The following RINL variants were observed in gnomAD, a reference collection of about 807,000 sequenced individuals.
RINL encodes ras and Rab interactor-like protein.
Under a neutral mutation model 58.1 loss-of-function variants are expected in RINL, and 39 were observed. The observed-to-expected ratio is 0.67, with a 90% CI of 0.52 to 0.88. The LOEUF (loss-of-function observed/expected upper bound fraction) is 0.88. Ranked by LOEUF, RINL falls within the 40% of genes least tolerant of loss-of-function variation. The pLI is 0.00. For missense variants in RINL, 711 were observed against 749.2 expected (o/e 0.95, Z 0.60); for synonymous variants, 286 against 323.1 (o/e 0.89, Z 1.23).
At chr19:38,876,915 T>C (rs1403362198) in intron 1 of RINL, 134 bp from the exon 2 acceptor site, 7 of 604,512 alleles carry the variant, frequency 1.2e-5, no homozygotes, top group African/African-American at 1.9e-5. Flanking sequence ...CAGGGGTTAA[T>C]TCTTTATTTT....
chr19:38,873,777 C>G, intron 4 of RINL, 109 bp downstream of exon 4: 1 of 666,686 alleles, frequency 1.5e-6, no homozygotes, highest in Non-Finnish European at 2.6e-6. Flanking sequence ...CCACCCGCCT[C>G]GACCTACCAA....
At chr19:38,875,144 TAATA>T (rs1335579396) in intron 3 of RINL, among the ~76,000 whole-genome samples, 5 of 149,458 alleles carry the variant, frequency 3.3e-5, no homozygotes, top group African/African-American at 1.2e-4. Context: ...CAAAAAATAA[TAATA>T]AAAATAATAA....
rs1354108629 is a variant in RINL at position 38,871,038 on chromosome 19, C to G, written c.601+40G>C. On this transcript the variant is annotated intron_variant, in intron 7 of 11. Coordinates refer to ENST00000591812, the MANE Select transcript of RINL (RefSeq NM_001195833.2). ...CGGTCGCCTAGAACAGGGGCAGCAGCTCCCTCCCCTTCAGAGGCCCAGGGC... is the reference window on the plus strand; with the variant it reads ...CGGTCGCCTAGAACAGGGGCAGCAGGTCCCTCCCCTTCAGAGGCCCAGGGC... 3 of 1,578,522 alleles carry G rather than the reference C, an allele frequency of 1.9e-6. No homozygotes were observed. In the Admixed American group the frequency reaches 5.4e-5, roughly 28 times the overall value.
Position 38,870,728 on chromosome 19 carries a change from G to A in RINL, c.866C>T (p.Ser289Phe), listed in dbSNP as rs766566003. 9.3e-6 allele frequency: 15 copies of A among 1,613,538 alleles called. No individual in the cohort carries two copies. The highest frequency in any genetic ancestry group is 1.3e-5 in the Non-Finnish European group (15 of 1,179,970). The change falls in exon 8 of 12, where the codon TCT becomes TTT. Residue 289 changes from serine to phenylalanine, a missense_variant. Transcript: ENST00000591812. This position sits in a 1 kb window ranked among gnomAD's most constrained non-coding sequence, Gnocchi z 5.8. ...GTCCCCAGACCCGTGGGGACCCCCA[G>A]AATCTGAGGCGATGCGCACCCGAAG... ...RSLRVRIASD[S>F]GGPHGSGDPA...
chr19:38,871,624 C>G (rs1183147018), intron 6 of RINL, 23 bp downstream of exon 6: 4 of 1,609,932 alleles, frequency 2.5e-6, no homozygotes, highest in South Asian at 2.2e-5. Flanking sequence ...TGGCTGTGCC[C>G]TCTTTAGAGA....
chr19:38,869,383 C>T lies in RINL; in HGVS notation c.1502G>A (p.Gly501Glu). 6.2e-7 allele frequency: 1 copy of T among 1,609,320 alleles called. No individual in the cohort carries two copies. Among genetic ancestry groups the T allele is most frequent in the Non-Finnish European group, 8.5e-7 (1 of 1,176,838 alleles). The change falls in exon 11 of 12, where the codon GGG becomes GAG. Residue 501 changes from glycine (G) to glutamate (E), a missense_variant. Transcript: ENST00000591812. The surrounding 1 kb of genome is among the most constrained non-coding windows in gnomAD (Gnocchi z 5.7). Reference sequence around the variant, plus strand: ...GTAGTGGGCAATGTGGTGCAGCGCCCCAAACCACGTGGTCAGGTAGTACCC... The same window carrying T: ...GTAGTGGGCAATGTGGTGCAGCGCCTCAAACCACGTGGTCAGGTAGTACCC... ...EAGYYLTTWF[G>E]ALHHIAHYQP...
At position 38,871,225 on chromosome 19, in the gene RINL, G is replaced by T. The variant is rs748127312; in HGVS notation, c.454C>A (p.Pro152Thr). ...TGTTGGACCCTGCCGATCTGCACAG[G>T]ATCTGGAGCCAGCAGAAGTGAGAAG... ...TLGPRDEHTD[P>T]VQIGRVQQDT... Residue 152 changes from proline to threonine, a missense_variant and splice_region_variant, in exon 7 of 12, where the codon CCT (proline) becomes ACT (threonine). Coordinates refer to ENST00000591812, the MANE Select transcript of RINL (RefSeq NM_001195833.2). 3.1e-6 allele frequency: 5 copies of T among 1,613,968 alleles called. No homozygotes were observed. The highest frequency in any genetic ancestry group is 1.6e-4 in the Middle Eastern group (1 of 6,062).
chr19:38,870,538 C>T lies in RINL; in HGVS notation c.1024+32G>A. 6.6e-7 allele frequency: 1 copy of T among 1,523,644 alleles called. No homozygotes were observed. Among genetic ancestry groups the T allele is most frequent in the East Asian group, 2.3e-5 (1 of 43,828 alleles). The allele number at this position is 1,523,644 out of a possible 1,614,324, so 94.4% of individuals were successfully genotyped here. On this transcript the variant is annotated intron_variant, in intron 8 of 11. Transcript: ENST00000591812. The surrounding 1 kb of genome is among the most constrained non-coding windows in gnomAD (Gnocchi z 5.8). ...AGAGGACGAAGTTGCACACTTGAAC[C>T]CGTGGGGGCTCCCTTCCAGTCCTCC...
intron 3 of RINL, among the ~76,000 whole-genome samples, chr19:38,874,987 T>C (rs1000999891): frequency 1.3e-5 from 2 of 151,434 alleles, no homozygotes; most frequent in Non-Finnish European, 2.9e-5. Context: ...ATACAAAAAT[T>C]AGCCGGGTGT....
chr19:38,871,370 G>A lies in RINL; in HGVS notation c.452-143C>T, dbSNP rs114164238. ...CCTGGCCCCTCCTCAGTCAGACCCA[G>A]GAGTCCAGGCCCCTAGTCCCCTTCT... On this transcript the variant is annotated intron_variant, in intron 6 of 11. Transcript: ENST00000591812. 4.6e-4 allele frequency: 407 copies of A among 894,002 alleles called. 4 individuals are homozygous for A. In the African/African-American group the frequency reaches 5.5e-3, roughly 12 times the overall value. 55.4% of individuals were successfully genotyped at this position (894,002 alleles called of 1,614,324 possible). A position where few individuals can be genotyped will look rare whatever the true frequency, so the allele number is the denominator to read the frequency against.
chr19:38,877,439 A>G (rs1402690648), intron 1 of RINL, among the ~76,000 whole-genome samples: 1 of 152,188 alleles, frequency 6.6e-6, no homozygotes, highest in Non-Finnish European at 1.5e-5. Flanking sequence ...CAGAGTAGGC[A>G]GTCCCTATAT....
At chr19:38,878,061 A>AGGAAGGGAGG (rs1220270541) in intron 1 of RINL, among the ~76,000 whole-genome samples, 171 bp downstream of exon 1, 2 of 152,030 alleles carry the variant, frequency 1.3e-5, no homozygotes, top group African/African-American at 4.8e-5. Flanking sequence ...AAGAGCAGGA[A>AGGAAGGGAGG]GGAAGGGAGG....
At chr19:38,872,175 G>C (rs1479192505) in intron 4 of RINL, among the ~76,000 whole-genome samples, 2 of 152,108 alleles carry the variant, frequency 1.3e-5, no homozygotes, top group East Asian at 3.9e-4. Flanking sequence ...GGGCGGAGGG[G>C]GAAAAGGCAG....
rs1192026752 is a variant in RINL, at chr19:38,876,364, A to C, written c.177T>G (p.Asp59Glu). 1 of 1,536,010 alleles carries C rather than the reference A, an allele frequency of 6.5e-7. No individual in the cohort carries two copies. The highest frequency in any genetic ancestry group is 1.4e-5 in the African/African-American group (1 of 73,052). ...VWHVPELDTQ[D>E]AEALVGLWPL... The stretch of plus-strand genomic sequence containing the variant: ...GCCACAGCCCCACAAGGGCCTCCGC[A>C]TCCTGGGTATCCAGCTCTGGCACAT... Residue 59 changes from aspartate (D) to glutamate (E), a missense_variant, in exon 3 of 12, where the codon GAT (aspartate) becomes GAG (glutamate). By Grantham distance (45) the Asp-to-Glu change is conservative. Transcript: ENST00000591812.
In RINL at chr19:38,869,969, G is replaced by C. The variant is rs758543281; in HGVS notation, c.1316C>G (p.Ala439Gly). Residue 439 changes from alanine to glycine, a missense_variant, in exon 9 of 12, where the codon GCG (alanine) becomes GGG (glycine). Coordinates refer to ENST00000591812, the MANE Select transcript of RINL (RefSeq NM_001195833.2). The surrounding 1 kb of genome is among the most constrained non-coding windows in gnomAD (Gnocchi z 5.7). ...LLLEVCRDVY[A>G]GLARGENQDP... ...TTGGTTCTCGCCTCGAGCCAGGCCC[G>C]CATAGACATCTCTGCACACCTCCAA... The C allele has an allele frequency of 5.0e-6, 8 of 1,599,288 alleles. No homozygotes were observed. In the South Asian group the frequency reaches 9.0e-5, roughly 18 times the overall value.
chr19:38,869,944 T>C lies in RINL; in HGVS notation c.1341A>G (p.Gln447=), dbSNP rs756665151. Residue 447 remains glutamine (Q), a splice_region_variant and synonymous_variant, in exon 9 of 12, where the codon CAA becomes CAG. Coordinates refer to ENST00000591812, the MANE Select transcript of RINL (RefSeq NM_001195833.2). This position sits in a 1 kb window ranked among gnomAD's most constrained non-coding sequence, Gnocchi z 5.7. Reference sequence around the variant, plus strand: ...GCTAGACGTTGACCCCTCCCTTACCTTGGTTCTCGCCTCGAGCCAGGCCCG... The same window carrying C: ...GCTAGACGTTGACCCCTCCCTTACCCTGGTTCTCGCCTCGAGCCAGGCCCG... ...VYAGLARGEN[Q]DPLGADAFLP... 1.3e-6 allele frequency: 2 copies of C among 1,595,460 alleles called. No individual in the cohort carries two copies. The highest frequency in any genetic ancestry group is 3.5e-5 in the Admixed American group (2 of 57,348).
At position 38,870,154 on chromosome 19, in the gene RINL, C is replaced by G; in HGVS notation, c.1131G>C (p.Arg377=). ...TLRAPELRRL[R]RRQTALRAGA... ...CCGCCCGCAGGGCTGTCTGTCGCCG[C>G]CGCAGCCGCCGCAGCTCCGGTGCTC... The change falls in exon 9 of 12, where the codon CGG becomes CGC. Residue 377 remains arginine (R), a synonymous_variant. Coordinates refer to ENST00000591812, the MANE Select transcript of RINL (RefSeq NM_001195833.2). This position sits in a 1 kb window ranked among gnomAD's most constrained non-coding sequence, Gnocchi z 5.8. The G allele has an allele frequency of 1.4e-6, 2 of 1,408,480 alleles. No homozygotes were observed. Among genetic ancestry groups the G allele is most frequent in the Non-Finnish European group, 1.8e-6 (2 of 1,091,800 alleles). 87.2% of individuals were successfully genotyped at this position (1,408,480 alleles called of 1,614,324 possible).
chr19:38,869,976 C>A lies in RINL; in HGVS notation c.1309G>T (p.Val437Phe). Residue 437 changes from valine to phenylalanine, a missense_variant, in exon 9 of 12, where the codon GTC becomes TTC. By Grantham distance (50) the Val-to-Phe change is conservative (BLOSUM62 -1). Coordinates refer to ENST00000591812, the MANE Select transcript of RINL (RefSeq NM_001195833.2). The surrounding 1 kb of genome is among the most constrained non-coding windows in gnomAD (Gnocchi z 5.7). ...VALLLEVCRDVYAGLARGENQ... is the reference protein window; with the variant it reads ...VALLLEVCRDFYAGLARGENQ... ...TCGCCTCGAGCCAGGCCCGCATAGA[C>A]ATCTCTGCACACCTCCAAGAGGAGC... The A allele has an allele frequency of 6.3e-7, 1 of 1,599,464 alleles. No homozygotes were observed. The highest frequency in any genetic ancestry group is 8.5e-7 in the Non-Finnish European group (1 of 1,174,256).
In RINL at chr19:38,870,090, C is replaced by A. The variant is rs2145472774; in HGVS notation, c.1195G>T (p.Gly399Trp). The A allele has an allele frequency of 6.7e-7, 1 of 1,495,610 alleles. No individual in the cohort carries two copies. Among genetic ancestry groups the A allele is most frequent in the Non-Finnish European group, 8.9e-7 (1 of 1,128,920 alleles). The allele number at this position is 1,495,610 out of a possible 1,614,324, so 92.6% of individuals were successfully genotyped here. A position where few individuals can be genotyped will look rare whatever the true frequency, so the allele number is the denominator to read the frequency against. ...CGCAAGGCGGGGGCGGGGCTCTGCC[C>A]TTCCGGTCCCGGCCCCTGTGCCCCC... The part of the protein sequence containing the change: ...PPGAQGPGPE[G>W]QSPAPALRSR... Residue 399 changes from glycine to tryptophan, a missense_variant, in exon 9 of 12, where the codon GGG becomes TGG. Coordinates refer to ENST00000591812, the MANE Select transcript of RINL (RefSeq NM_001195833.2). The surrounding 1 kb of genome is among the most constrained non-coding windows in gnomAD (Gnocchi z 5.8).
Sources: allele counts gnomAD v4.1 joint callset (sites outside exome capture counted in the v4.1 genomes callset), GRCh38; gene constraint gnomAD v4.1.1; non-coding constraint Gnocchi (gnomAD v3.1); transcripts MANE v1.5; gene names NCBI Gene and HGNC (gene_info 2026-07-23, HGNC 2026-07-21).